The following SORCS1 variants were observed in gnomAD, a reference collection of about 807,000 sequenced individuals.
The protein encoded by SORCS1 is sortilin related VPS10 domain containing receptor 1, also known as VPS10 domain-containing receptor SorCS1.
Under a neutral mutation model 146.1 loss-of-function variants are expected in SORCS1, and 60 were observed. That is an observed-to-expected ratio of 0.41 (90% CI 0.33 to 0.51). SORCS1 has a LOEUF of 0.51. SORCS1 is among the 20% of genes least tolerant of loss of function. SORCS1 has a pLI of 0.21. For missense variants in SORCS1, 1,352 were observed against 1,487.6 expected (o/e 0.91, Z 1.50); for synonymous variants, 637 against 584.0 (o/e 1.09, Z -1.31).
At chr10:106,702,262 T>C (rs192728150) in intron 8 of SORCS1, among the ~76,000 whole-genome samples, 32 of 152,300 alleles carry the variant, frequency 2.1e-4, no homozygotes, top group Admixed American at 1.6e-3. Context: ...ATCAAACAAC[T>C]ATTCCCAATT....
intron 8 of SORCS1, among the ~76,000 whole-genome samples, chr10:106,699,689 G>A (rs535505720): frequency 6.6e-6 from 1 of 152,010 alleles, no homozygotes; most frequent in Non-Finnish European, 1.5e-5. Context: ...TGTATGATTC[G>A]GAGAATCAAG....
chr10:106,816,285 G>A (rs1947737602), intron 3 of SORCS1, among the ~76,000 whole-genome samples: 1 of 152,192 alleles, frequency 6.6e-6, no homozygotes, highest in Non-Finnish European at 1.5e-5. Context: ...ATGAACATCT[G>A]TGATTTCAGA....
intron 2 of SORCS1, among the ~76,000 whole-genome samples, chr10:106,898,697 C>T (rs780753145): frequency 6.6e-5 from 10 of 152,284 alleles, no homozygotes; most frequent in Non-Finnish European, 1.2e-4. Flanking sequence ...ACAGGGCTGC[C>T]AGCCTGATTA....
chr10:106,919,017 CTG>C (rs1011134623), intron 2 of SORCS1, among the ~76,000 whole-genome samples: 14 of 152,100 alleles, frequency 9.2e-5, no homozygotes, highest in African/African-American at 3.4e-4. Flanking sequence ...TTGTATTTTT[CTG>C]TAGAGATGGA....
At chr10:106,677,673 T>C (rs572194378) in intron 12 of SORCS1, among the ~76,000 whole-genome samples, 34 of 152,324 alleles carry the variant, frequency 2.2e-4, no homozygotes, top group African/African-American at 8.2e-4. Flanking sequence ...ATTTTCATGA[T>C]AATTTCTATT....
rs533963418 is a variant in SORCS1, at chr10:106,854,485, C to T, written c.627-24812G>A. The stretch of plus-strand genomic sequence containing the variant: ...AATATAGTTGGATTATTGCCTATCA[C>T]ATTTTTACCATTTTCTTTTTGTTTC... On this transcript the variant is annotated intron_variant, in intron 2 of 25. Transcript: ENST00000263054. Among the ~76,000 whole-genome samples, 6 of 143,300 alleles carry T rather than the reference C, an allele frequency of 4.2e-5. No individual in the cohort carries two copies. In the South Asian group the frequency reaches 8.6e-4, roughly 21 times the overall value. The allele number at this position is 143,300 out of a possible 152,430, so 94.0% of individuals were successfully genotyped here.
intron 18 of SORCS1, among the ~76,000 whole-genome samples, chr10:106,633,736 CT>C (rs1191979264): frequency 3.3e-5 from 5 of 152,180 alleles, no homozygotes; most frequent in Non-Finnish European, 7.3e-5. Context: ...AAAATTAACT[CT>C]CATAGTTTAT....
At chr10:107,138,086 C>T (rs1489423055) in intron 1 of SORCS1, among the ~76,000 whole-genome samples, 2 of 152,060 alleles carry the variant, frequency 1.3e-5, no homozygotes, top group Admixed American at 6.6e-5. Flanking sequence ...AATAATTTCT[C>T]TTATATTTTC....
At chr10:106,929,418 G>A (rs1349608616) in intron 2 of SORCS1, among the ~76,000 whole-genome samples, 3 of 151,540 alleles carry the variant, frequency 2.0e-5, no homozygotes, top group South Asian at 4.2e-4. Flanking sequence ...GGCCCATTAG[G>A]GAAAACTGAG....
chr10:106,835,002 A>G (rs1354461317), intron 2 of SORCS1, among the ~76,000 whole-genome samples: 1 of 152,204 alleles, frequency 6.6e-6, no homozygotes, highest in East Asian at 1.9e-4. Context: ...GTTTTTACAA[A>G]TATATCTTAG....
intron 1 of SORCS1, among the ~76,000 whole-genome samples, chr10:107,055,607 A>C (rs2134079293): frequency 6.6e-6 from 1 of 152,350 alleles, no homozygotes; most frequent in African/African-American, 2.4e-5. Context: ...GAACTCATCC[A>C]TTAATACACA....
chr10:106,603,388 T>C (rs1424448931), intron 23 of SORCS1, among the ~76,000 whole-genome samples: 2 of 152,194 alleles, frequency 1.3e-5, no homozygotes, highest in Non-Finnish European at 2.9e-5. Context: ...GGTCACTCGA[T>C]TAACCCAGCC....
intron 2 of SORCS1, among the ~76,000 whole-genome samples, chr10:106,944,203 T>A (rs1025705895): frequency 6.6e-6 from 1 of 152,214 alleles, no homozygotes; most frequent in African/African-American, 2.4e-5. Context: ...GAAATTCATA[T>A]CTCATCAACC....
chr10:107,001,071 A>T (rs973857414), intron 1 of SORCS1, among the ~76,000 whole-genome samples: 7 of 152,312 alleles, frequency 4.6e-5, no homozygotes, highest in East Asian at 3.9e-4. Flanking sequence ...TGACTAGCCC[A>T]AGTCTTGAAC....
At chr10:106,640,905 C>T (rs554193878) in intron 18 of SORCS1, among the ~76,000 whole-genome samples, 1 of 152,314 alleles carries the variant, frequency 6.6e-6, no homozygotes, top group African/African-American at 2.4e-5. Context: ...CTTCTCTACT[C>T]CTCTTCCAGT....
At chr10:106,763,324 G>A (rs1859295428) in intron 4 of SORCS1, among the ~76,000 whole-genome samples, 1 of 152,032 alleles carries the variant, frequency 6.6e-6, no homozygotes, top group African/African-American at 2.4e-5. Flanking sequence ...CTTGTTAAAT[G>A]TATCCCCTAA....
intron 2 of SORCS1, among the ~76,000 whole-genome samples, chr10:106,841,649 T>C (rs983873101): frequency 6.6e-6 from 1 of 152,254 alleles, no homozygotes; most frequent in African/African-American, 2.4e-5. Flanking sequence ...AAATCCACAG[T>C]ATCTGAGGTA....
At chr10:107,050,903 C>T (rs1405678956) in intron 1 of SORCS1, among the ~76,000 whole-genome samples, 1 of 152,108 alleles carries the variant, frequency 6.6e-6, no homozygotes, top group Non-Finnish European at 1.5e-5. Context: ...GATGAGTCTT[C>T]CTTATTCATT....
intron 1 of SORCS1, among the ~76,000 whole-genome samples, chr10:107,131,546 A>AC (rs1216257401): frequency 2.6e-5 from 4 of 151,678 alleles, no homozygotes; most frequent in African/African-American, 4.8e-5. Context: ...AACATGGCGA[A>AC]CCCCCCCATC....
Sources: gnomAD v4.1 joint callset for allele counts (sites outside exome capture counted in the v4.1 genomes callset) on GRCh38, gnomAD v4.1.1 for gene constraint, MANE v1.5 for transcripts, NCBI Gene and HGNC (gene_info 2026-07-23, HGNC 2026-07-21) for gene names.